The following KIAA1549L variants were observed in gnomAD, a reference collection of about 807,000 sequenced individuals.
KIAA1549L encodes UPF0606 protein KIAA1549L.
In KIAA1549L, 88 loss-of-function variants were observed where a neutral mutation model predicts 160.7. The ratio of observed to expected loss-of-function variants is 0.55; its 90% CI spans 0.46 to 0.65. The LOEUF (loss-of-function observed/expected upper bound fraction) is 0.65. Ranked by LOEUF, KIAA1549L falls within the 30% of genes least tolerant of loss-of-function variation. The probability of loss-of-function intolerance (pLI) is 0.00; values close to 1 mark genes in which losing one functional copy is unlikely to be tolerated. For missense variants in KIAA1549L, 2,258 were observed against 2,437.5 expected, an observed-to-expected ratio of 0.93 and a Z score of 1.55; for synonymous variants, 950 against 976.7, an observed-to-expected ratio of 0.97 and a Z score of 0.51.
intron 18 of KIAA1549L, among the ~76,000 whole-genome samples, chr11:33,658,114 TC>T (rs1243683713): frequency 6.6e-6 from 1 of 152,232 alleles, no homozygotes; most frequent in Non-Finnish European, 1.5e-5. Context: ...GCTGCCCTCT[TC>T]TTACACGGCT....
chr11:33,406,241 A>G (rs1472214772), intron 1 of KIAA1549L, among the ~76,000 whole-genome samples: 2 of 152,216 alleles, frequency 1.3e-5, no homozygotes, highest in African/African-American at 4.8e-5. Flanking sequence ...AAATTAATCC[A>G]GAATCCCACG....
chr11:33,530,317 G>A (rs1161513779), intron 1 of KIAA1549L, among the ~76,000 whole-genome samples: 3 of 149,830 alleles, frequency 2.0e-5, no homozygotes, highest in African/African-American at 7.4e-5. Context: ...CAGGAGAATG[G>A]CATGAACCCA....
At chr11:33,452,409 C>T (rs35867340) in intron 1 of KIAA1549L, among the ~76,000 whole-genome samples, 30,827 of 152,098 alleles carry the variant, frequency 0.2, 3,665 homozygotes, top group Middle Eastern at 0.31. Context: ...AGATCGAGAC[C>T]ATCCTGGCTA....
Position 33,559,749 on chromosome 11 carries a change from A to G in KIAA1549L, c.3856A>G (p.Ile1286Val). ...CCCCTTTTCTCCTGTGTTGATTCAG[A>G]TTGTGAGCACGTCCAATGCCTCCCA... ...LNTKSNLTIQIVSTSNASQAV... is the reference protein window; with the variant it reads ...LNTKSNLTIQVVSTSNASQAV... The change falls in exon 7 of 21, where the codon ATT becomes GTT. Residue 1286 changes from isoleucine (I) to valine (V), a missense_variant and splice_region_variant. Physicochemically the swap from Ile to Val is conservative, Grantham distance 29 (BLOSUM62 3). This residue lies in a region of KIAA1549L where 1,359 missense variants were observed against 1,546.6 expected (regional missense o/e 0.88). Transcript: ENST00000658780. The G allele has an allele frequency of 1.9e-6, 3 of 1,613,666 alleles. No individual in the cohort carries two copies. Among genetic ancestry groups the G allele is most frequent in the Non-Finnish European group, 2.5e-6 (3 of 1,179,764 alleles).
Position 33,598,865 on chromosome 11 carries a change from G to A in KIAA1549L, c.4797G>A (p.Gly1599=). Reference sequence around the variant, plus strand: ...GCTCTGTCATCAGCAACGAATCAGGGAAGCCCAGCTCAGGGAGACGCTCAC... The same window carrying A: ...GCTCTGTCATCAGCAACGAATCAGGAAAGCCCAGCTCAGGGAGACGCTCAC... ...ENGSVISNES[G]KPSSGRRSPQ... is the part of the protein sequence containing the mutation. Residue 1599 remains glycine, a synonymous_variant, in exon 13 of 21, where the codon GGG becomes GGA. Coordinates refer to ENST00000658780, the MANE Select transcript of KIAA1549L (RefSeq NM_012194.3). 6.2e-7 allele frequency: 1 copy of A among 1,613,932 alleles called. No individual in the cohort carries two copies.
chr11:33,613,058 G>A (rs1465910366), intron 15 of KIAA1549L, among the ~76,000 whole-genome samples: 1 of 152,114 alleles, frequency 6.6e-6, no homozygotes, highest in Non-Finnish European at 1.5e-5. Flanking sequence ...CAGTGCAGCA[G>A]TGAACATTCT....
At chr11:33,380,778 A>G (rs76274788) in intron 1 of KIAA1549L, among the ~76,000 whole-genome samples, 3,484 of 152,144 alleles carry the variant, frequency 0.023, 130 homozygotes, top group African/African-American at 0.079. Context: ...TGATGAATCG[A>G]TACCAAAGAA....
At chr11:33,593,148 G>C (rs1043121536) in intron 12 of KIAA1549L, among the ~76,000 whole-genome samples, 2 of 152,186 alleles carry the variant, frequency 1.3e-5, no homozygotes, top group Non-Finnish European at 2.9e-5. Context: ...GGCTCACTTT[G>C]GGCTGGGTGC....
intron 1 of KIAA1549L, among the ~76,000 whole-genome samples, chr11:33,483,773 G>A (rs1042453532): frequency 8.5e-5 from 13 of 152,168 alleles, no homozygotes; most frequent in Admixed American, 7.9e-4. Flanking sequence ...TCCCATCTGT[G>A]ACCATGTAAG....
chr11:33,509,961 A>G (rs1284138798), intron 1 of KIAA1549L, among the ~76,000 whole-genome samples: 1 of 152,136 alleles, frequency 6.6e-6, no homozygotes, highest in Non-Finnish European at 1.5e-5. Flanking sequence ...CACATTTCAT[A>G]CAGGGGAGAA....
At chr11:33,558,391 G>A (rs1386892613) in intron 6 of KIAA1549L, among the ~76,000 whole-genome samples, 1 of 152,136 alleles carries the variant, frequency 6.6e-6, no homozygotes, top group African/African-American at 2.4e-5. Flanking sequence ...GACCCCGTGA[G>A]GAGGGAGTCC....
At chr11:33,532,257 A>T (rs940188300) in intron 1 of KIAA1549L, among the ~76,000 whole-genome samples, 8 of 152,254 alleles carry the variant, frequency 5.3e-5, no homozygotes, top group African/African-American at 1.9e-4. Context: ...CCTGCCAACT[A>T]TGAGGCATGC....
At chr11:33,465,560 T>C (rs977329501) in intron 1 of KIAA1549L, among the ~76,000 whole-genome samples, 2 of 152,154 alleles carry the variant, frequency 1.3e-5, no homozygotes, top group Admixed American at 6.5e-5. Context: ...TTGTTATTCA[T>C]TGAGTGGGTG....
intron 1 of KIAA1549L, among the ~76,000 whole-genome samples, chr11:33,435,854 G>T (rs1352473255): frequency 1.0e-5 from 1 of 97,208 alleles, no homozygotes; most frequent in Admixed American, 1.2e-4. Flanking sequence ...GTGTGTGTGT[G>T]TGTGTGTGTA....
At chr11:33,546,220 A>G (rs979499651) in intron 3 of KIAA1549L, among the ~76,000 whole-genome samples, 4 of 152,224 alleles carry the variant, frequency 2.6e-5, no homozygotes, top group African/African-American at 7.2e-5. Flanking sequence ...ATGAAATCAT[A>G]TCTTGAGACA....
At chr11:33,530,491 T>G (rs1853744415) in intron 1 of KIAA1549L, among the ~76,000 whole-genome samples, 1 of 124,752 alleles carries the variant, frequency 8.0e-6, no homozygotes, top group Non-Finnish European at 1.7e-5. Context: ...ATATGCAAGA[T>G]TTGCAAGTAC....
At chr11:33,474,687 A>G (rs1398324985) in intron 1 of KIAA1549L, among the ~76,000 whole-genome samples, 1 of 152,146 alleles carries the variant, frequency 6.6e-6, no homozygotes, top group Non-Finnish European at 1.5e-5. Context: ...CCACTTTGGG[A>G]AGTGGGTTGG....
chr11:33,439,979 C>T (rs894848277), intron 1 of KIAA1549L, among the ~76,000 whole-genome samples: 8 of 151,874 alleles, frequency 5.3e-5, no homozygotes, highest in African/African-American at 1.9e-4. Flanking sequence ...AGTCTATTTA[C>T]GTTGATTATC....
chr11:33,504,859 C>T (rs184008569), intron 1 of KIAA1549L, among the ~76,000 whole-genome samples: 84 of 152,280 alleles, frequency 5.5e-4, no homozygotes, highest in Non-Finnish European at 9.1e-4. Context: ...CTCAACCTCC[C>T]GGGCTCAAGC....
Sources: gnomAD v4.1 joint callset for allele counts (sites outside exome capture counted in the v4.1 genomes callset) on GRCh38, gnomAD v4.1.1 for gene constraint, gnomAD v4.1.1 regional missense constraint, MANE v1.5 for transcripts, NCBI Gene and HGNC (gene_info 2026-07-23, HGNC 2026-07-21) for gene names.